TATDN3: variants seen among roughly 807,000 people sequenced by gnomAD.
The protein encoded by TATDN3 is TatD DNase domain containing 3, also known as deoxyribonuclease TATDN3.
Under a neutral mutation model 40.1 loss-of-function variants are expected in TATDN3, and 29 were observed. The ratio of observed to expected loss-of-function variants is 0.72; its 90% CI spans 0.54 to 0.99. The LOEUF is 0.99. Among genes scored for constraint, TATDN3 ranks in the 50% least tolerant of loss-of-function variants. The pLI is 0.00. For missense variants in TATDN3, 309 were observed against 321.9 expected (o/e 0.96, Z 0.31); for synonymous variants, 105 against 117.0 (o/e 0.90, Z 0.66).
chr1:212,811,988 A>T (rs954492249), intron 8 of TATDN3, among the ~76,000 whole-genome samples: 1 of 152,018 alleles, frequency 6.6e-6, no homozygotes, highest in Non-Finnish European at 1.5e-5. Context: ...AGCATGAGCC[A>T]CTGTGCCTGG....
intron 8 of TATDN3, among the ~76,000 whole-genome samples, chr1:212,810,218 G>C (rs1267439711): frequency 6.6e-6 from 1 of 151,418 alleles, no homozygotes; most frequent in African/African-American, 2.4e-5. Flanking sequence ...ATAAAAATTA[G>C]CCGAGTGAAG....
At chr1:212,803,950 C>T (rs1030086807) in intron 5 of TATDN3, among the ~76,000 whole-genome samples, 1 of 151,974 alleles carries the variant, frequency 6.6e-6, no homozygotes, top group East Asian at 1.9e-4. Context: ...GCAAGAGAAT[C>T]GCCTGAACCC....
chr1:212,798,547 A>G (rs1236427794), intron 4 of TATDN3, among the ~76,000 whole-genome samples: 19 of 151,256 alleles, frequency 1.3e-4, no homozygotes, highest in African/African-American at 4.4e-4. Context: ...AAAAAAAAAA[A>G]AAAAAAAAAA....
chr1:212,809,237 A>G (rs1487865129), intron 8 of TATDN3, among the ~76,000 whole-genome samples: 2 of 152,236 alleles, frequency 1.3e-5, no homozygotes, highest in African/African-American at 4.8e-5. Flanking sequence ...AGGGAGTGAC[A>G]GCTAATGGGT....
intron 5 of TATDN3, among the ~76,000 whole-genome samples, chr1:212,804,051 A>C (rs541584072): frequency 4.8e-4 from 73 of 152,228 alleles, no homozygotes; most frequent in East Asian, 1.5e-3. Context: ...AACAAACAAA[A>C]AAAAAGGAAT....
intron 2 of TATDN3, among the ~76,000 whole-genome samples, chr1:212,795,477 G>A (rs910000580): frequency 6.6e-6 from 1 of 151,990 alleles, no homozygotes; most frequent in Non-Finnish European, 1.5e-5. Flanking sequence ...CACCATGTTG[G>A]CCAGGCTGGT....
rs888602768 is a variant in TATDN3 at position 212,800,158 on chromosome 1, A to C, written c.259-2543A>C. ...CTTTTAACATATTCCTGAATTAATTAATTCATTCAATAAATACTATTACCA... is the reference window on the plus strand; with the variant it reads ...CTTTTAACATATTCCTGAATTAATTCATTCATTCAATAAATACTATTACCA... On this transcript the variant is annotated intron_variant, in intron 4 of 9. Coordinates refer to ENST00000366974, the MANE Select transcript of TATDN3 (RefSeq NM_001042552.3). Among the ~76,000 whole-genome samples the C allele has an allele frequency of 3.9e-5, 6 of 152,202 alleles. No individual in the cohort carries two copies. The South Asian group carries it at 1.0e-3, about 26-fold the overall frequency.
intron 1 of TATDN3, chr1:212,794,555 C>T (rs1418672401): frequency 3.0e-6 from 1 of 336,890 alleles, no homozygotes. Context: ...CGCACCATTG[C>T]ACTACAGCTG....
intron 9 of TATDN3, 84 bp downstream of exon 9, chr1:212,812,412 G>A: frequency 1.3e-6 from 1 of 779,562 alleles, no homozygotes; most frequent in Non-Finnish European, 2.1e-6. Flanking sequence ...TCTCATTATA[G>A]TGTAAATACA....
chr1:212,810,213 A>C (rs1190945101), intron 8 of TATDN3, among the ~76,000 whole-genome samples: 1 of 151,788 alleles, frequency 6.6e-6, no homozygotes, highest in Non-Finnish European at 1.5e-5. Flanking sequence ...AACATATAAA[A>C]ATTAGCCGAG....
At chr1:212,800,840 T>C (rs1662127706) in intron 4 of TATDN3, among the ~76,000 whole-genome samples, 1 of 151,946 alleles carries the variant, frequency 6.6e-6, no homozygotes, top group African/African-American at 2.4e-5. Flanking sequence ...AAATAATGAA[T>C]AATTATATAG....
At chr1:212,793,008 G>A (rs916853952) in intron 1 of TATDN3, 1 of 152,134 alleles carries the variant, frequency 6.6e-6, no homozygotes, top group Non-Finnish European at 1.5e-5. Context: ...TAGGGAAACA[G>A]ATAGGTTGCA....
At chr1:212,807,879 C>G in intron 8 of TATDN3, 31 bp downstream of exon 8, 1 of 1,385,260 alleles carries the variant, frequency 7.2e-7, no homozygotes. Flanking sequence ...TCATCTAATA[C>G]TTATGAAATA....
chr1:212,813,017 A>G (rs2102487129), intron 9 of TATDN3, among the ~76,000 whole-genome samples: 1 of 152,270 alleles, frequency 6.6e-6, no homozygotes, highest in Non-Finnish European at 1.5e-5. Flanking sequence ...CAAAAAAAAA[A>G]GAAAAGATTA....
intron 9 of TATDN3, among the ~76,000 whole-genome samples, chr1:212,813,431 C>T (rs1018130450): frequency 6.6e-6 from 1 of 152,110 alleles, no homozygotes; most frequent in African/African-American, 2.4e-5. Context: ...AGAGAATTGG[C>T]ACTCAAAATT....
intron 4 of TATDN3, among the ~76,000 whole-genome samples, chr1:212,799,807 G>A (rs1662061974): frequency 6.6e-6 from 1 of 152,144 alleles, no homozygotes; most frequent in Non-Finnish European, 1.5e-5. Context: ...CCAAAGTGCT[G>A]GGATTATAGG....
rs1428591649 is a variant in TATDN3, at chr1:212,797,190, A to G, written c.252A>G (p.Thr84=). The G allele has an allele frequency of 1.9e-6, 3 of 1,613,172 alleles. No individual in the cohort carries two copies. The East Asian group carries it at 6.7e-5, about 36-fold the overall frequency. The change falls in exon 4 of 10, where the codon ACA becomes ACG. Residue 84 remains threonine (T), a synonymous_variant. Coordinates refer to ENST00000366974, the MANE Select transcript of TATDN3 (RefSeq NM_001042552.3). ...GLPPEDQRSV[T]LKDLDVALPI... ...CACCAGAAGACCAAAGAAGTGTCAC[A>G]CTAAAGGTAACAGTCATACAAAACA...
chr1:212,815,141 C>T lies in TATDN3; in HGVS notation c.810C>T (p.His270=), dbSNP rs1236931087. Residue 270 remains histidine, a synonymous_variant, in exon 10 of 10, where the codon CAC becomes CAT. Transcript: ENST00000366974. ...NALKLFPKLR[H]LLQK The stretch of plus-strand genomic sequence containing the variant: ...TAAAACTGTTTCCTAAGCTCCGACA[C>T]TTGCTCCAGAAATAGCTTCAAAACC... 1 of 1,611,382 alleles carries T rather than the reference C, an allele frequency of 6.2e-7. No homozygotes were observed. The highest frequency in any genetic ancestry group is 1.7e-4 in the Middle Eastern group (1 of 6,040).
chr1:212,804,445 T>C lies in TATDN3; in HGVS notation c.431+16T>C. 1 of 1,600,650 alleles carries C rather than the reference T, an allele frequency of 6.2e-7. No individual in the cohort carries two copies. On this transcript the variant is annotated intron_variant, in intron 6 of 9. Coordinates refer to ENST00000366974, the MANE Select transcript of TATDN3 (RefSeq NM_001042552.3). ...ATTTGCCTGTGTAGGTTAATTATTT[T>C]CCTATGTTAATAGCTATAGAGCAAA...
Sources: gnomAD v4.1 joint callset for allele counts (sites outside exome capture counted in the v4.1 genomes callset) on GRCh38, gnomAD v4.1.1 for gene constraint, MANE v1.5 for transcripts, NCBI Gene and HGNC (gene_info 2026-07-23, HGNC 2026-07-21) for gene names.